Variants in TAFA4 observed in about 807,000 individuals in gnomAD.
The protein encoded by TAFA4 is chemokine-like protein TAFA-4.
A neutral mutation model predicts 21.1 loss-of-function variants in TAFA4; 20 were observed. The observed-to-expected ratio is 0.95, with a 90% CI of 0.67 to 1.38. The LOEUF is 1.38. Among genes scored for constraint, TAFA4 ranks in the 40% most tolerant of loss-of-function variants. TAFA4 has a pLI of 0.00. For synonymous variants in TAFA4, 71 were observed against 67.4 expected, an observed-to-expected ratio of 1.05 and a Z score of -0.26; for missense variants, 211 against 180.9, an observed-to-expected ratio of 1.17 and a Z score of -0.95.
intron 3 of TAFA4, among the ~76,000 whole-genome samples, chr3:68,848,213 C>A (rs1018433679): frequency 6.6e-6 from 1 of 152,176 alleles, no homozygotes; most frequent in Non-Finnish European, 1.5e-5. Flanking sequence ...CCTGGCAACA[C>A]CTGTGAGAAT....
chr3:68,732,845 G>T lies in TAFA4; in HGVS notation c.*297C>A. On this transcript the variant is annotated 3_prime_UTR_variant, in exon 6 of 6. Transcript: ENST00000295569. ...GTGAAGAATGAACATGCCCTTAGTG[G>T]TGATCCATTTTGAAGACTCTGATTT... 2 of 427,992 alleles carry T rather than the reference G, an allele frequency of 4.7e-6. No individual in the cohort carries two copies. Among genetic ancestry groups the T allele is most frequent in the Non-Finnish European group, 8.4e-6 (2 of 239,404 alleles). 26.5% of individuals were successfully genotyped at this position (427,992 alleles called of 1,614,324 possible).
chr3:68,762,338 G>T (rs117359534), intron 3 of TAFA4, among the ~76,000 whole-genome samples: 1 of 152,122 alleles, frequency 6.6e-6, no homozygotes, highest in African/African-American at 2.4e-5. Flanking sequence ...GGCAAGGAGA[G>T]AAATGAGAAT....
chr3:68,769,843 A>T (rs1702920254), intron 3 of TAFA4, among the ~76,000 whole-genome samples: 1 of 152,058 alleles, frequency 6.6e-6, no homozygotes, highest in Admixed American at 6.6e-5. Context: ...AGGGAACACA[A>T]CTCCTTTATT....
At chr3:68,796,484 T>C (rs1303995073) in intron 3 of TAFA4, among the ~76,000 whole-genome samples, 1 of 152,096 alleles carries the variant, frequency 6.6e-6, no homozygotes, top group Admixed American at 6.6e-5. Context: ...TTAAAATCTA[T>C]ATATGTAACT....
Position 68,863,070 on chromosome 3 carries a change from CAA to C in TAFA4, c.130+17658_130+17659del, listed in dbSNP as rs762098423. Among the ~76,000 whole-genome samples the C allele has an allele frequency of 4.7e-3, 363 of 77,852 alleles. 1 individual carries two copies. The highest frequency in any genetic ancestry group is 0.014 in the African/African-American group (327 of 23,088). 51.1% of individuals were successfully genotyped at this position (77,852 alleles called of 152,430 possible). ...GGAACATAGGAAAACCCCATCTCTACAAAAAAAAAAAAAAAAAATTAGCCAGA... is the reference window on the plus strand; with the variant it reads ...GGAACATAGGAAAACCCCATCTCTACAAAAAAAAAAAAAAAATTAGCCAGA... On this transcript the variant is annotated intron_variant, in intron 3 of 5. Transcript: ENST00000295569.
At position 68,788,840 on chromosome 3, in the gene TAFA4, T is replaced by C. The variant is rs572879497; in HGVS notation, c.131-35822A>G. On this transcript the variant is annotated intron_variant, in intron 3 of 5. Transcript: ENST00000295569. The stretch of plus-strand genomic sequence containing the variant: ...GGATCTCACTATGTCACTCAGCTGG[T>C]CTTGAACTCCTGGGCTCAAGCTATC... 1.2e-4 allele frequency among the ~76,000 whole-genome samples: 19 copies of C among 152,174 alleles called. No individual in the cohort carries two copies. The East Asian group carries it at 3.7e-3, about 29-fold the overall frequency.
chr3:68,846,070 G>A (rs764770874), intron 3 of TAFA4, among the ~76,000 whole-genome samples: 3 of 152,102 alleles, frequency 2.0e-5, no homozygotes, highest in Non-Finnish European at 4.4e-5. Context: ...TGTCTTGCTA[G>A]GTTGGGGAAG....
intron 3 of TAFA4, among the ~76,000 whole-genome samples, chr3:68,785,520 G>A (rs1188970964): frequency 6.6e-6 from 1 of 152,228 alleles, no homozygotes; most frequent in African/African-American, 2.4e-5. Flanking sequence ...TGGCCCAGGT[G>A]CTAAGCCCCT....
intron 1 of TAFA4, among the ~76,000 whole-genome samples, chr3:68,924,885 G>T (rs1411099492): frequency 6.6e-6 from 1 of 152,132 alleles, no homozygotes; most frequent in Non-Finnish European, 1.5e-5. Flanking sequence ...AACCCCCACT[G>T]GTAGGCACTC....
At chr3:68,733,196 C>T in intron 5 of TAFA4, 43 bp from the exon 6 acceptor site, 11 of 1,601,422 alleles carry the variant, frequency 6.9e-6, no homozygotes, top group Non-Finnish European at 9.4e-6. Context: ...ACTCTATACC[C>T]ACCGAAATAA....
At chr3:68,782,708 G>C (rs1246724488) in intron 3 of TAFA4, among the ~76,000 whole-genome samples, 2 of 152,278 alleles carry the variant, frequency 1.3e-5, no homozygotes, top group East Asian at 3.9e-4. Context: ...CCCTAGAGCA[G>C]AAAGCAAACT....
chr3:68,859,243 C>A (rs982038007), intron 3 of TAFA4, among the ~76,000 whole-genome samples: 2 of 152,114 alleles, frequency 1.3e-5, no homozygotes, highest in African/African-American at 4.8e-5. Flanking sequence ...AGGCCTTGAA[C>A]AAATTTTCTG....
intron 1 of TAFA4, among the ~76,000 whole-genome samples, chr3:68,895,609 C>T (rs544949761): frequency 6.6e-6 from 1 of 152,134 alleles, no homozygotes; most frequent in South Asian, 2.1e-4. Context: ...ATTAGCTATG[C>T]ACAGGGAACT....
At chr3:68,850,134 C>T (rs1018508401) in intron 3 of TAFA4, among the ~76,000 whole-genome samples, 8 of 152,234 alleles carry the variant, frequency 5.3e-5, no homozygotes, top group Non-Finnish European at 8.8e-5. Context: ...ACGCACAAAG[C>T]GCTCTTAAAC....
chr3:68,808,357 CTTCT>C lies in TAFA4; in HGVS notation c.131-55343_131-55340del, dbSNP rs1286425961. 2.0e-5 allele frequency among the ~76,000 whole-genome samples: 3 copies of C among 152,158 alleles called. No individual in the cohort carries two copies. The East Asian group carries it at 5.8e-4, about 29-fold the overall frequency. ...TGTCTCATGACCTCTCTAATCCATC[CTTCT>C]ATCATAACAGTTGTCCTAGAATGAA... On this transcript the variant is annotated intron_variant, in intron 3 of 5. Transcript: ENST00000295569.
intron 1 of TAFA4, among the ~76,000 whole-genome samples, chr3:68,931,016 A>G (rs2090153118): frequency 6.6e-6 from 1 of 152,176 alleles, no homozygotes; most frequent in Non-Finnish European, 1.5e-5. Flanking sequence ...CCAAACGAAG[A>G]TGCGTGTGAT....
At chr3:68,860,874 C>T (rs1220925889) in intron 3 of TAFA4, among the ~76,000 whole-genome samples, 1 of 151,990 alleles carries the variant, frequency 6.6e-6, no homozygotes, top group Non-Finnish European at 1.5e-5. Context: ...GGCTGTGACC[C>T]GAAAACTAAG....
chr3:68,890,261 G>T (rs1265088321), intron 1 of TAFA4, among the ~76,000 whole-genome samples: 1 of 152,082 alleles, frequency 6.6e-6, no homozygotes, highest in African/African-American at 2.4e-5. Context: ...GTAAGCAATT[G>T]GTGAATCGGG....
intron 3 of TAFA4, among the ~76,000 whole-genome samples, chr3:68,839,702 T>G (rs944034466): frequency 2.0e-5 from 3 of 152,168 alleles, no homozygotes; most frequent in Non-Finnish European, 4.4e-5. Context: ...CTTAATCCAT[T>G]AGAGGAGTTA....
Sources: allele counts gnomAD v4.1 joint callset (sites outside exome capture counted in the v4.1 genomes callset), GRCh38; gene constraint gnomAD v4.1.1; transcripts MANE v1.5; gene names NCBI Gene and HGNC (gene_info 2026-07-23, HGNC 2026-07-21).